Variants in RPTOR observed in about 807,000 individuals in gnomAD.
The protein encoded by RPTOR is regulatory associated protein of MTOR complex 1.
A neutral mutation model predicts 169.9 loss-of-function variants in RPTOR; 21 were observed. That is an observed-to-expected ratio of 0.12 (90% CI 0.09 to 0.18). The LOEUF (loss-of-function observed/expected upper bound fraction) is 0.18. Among genes scored for constraint, RPTOR ranks in the 10% least tolerant of loss-of-function variants. RPTOR has a pLI of 1.00. For missense variants in RPTOR, 1,133 were observed against 1,855.9 expected, an observed-to-expected ratio of 0.61 and a Z score of 7.16; for synonymous variants, 732 against 753.2, an observed-to-expected ratio of 0.97 and a Z score of 0.46.
chr17:80,574,512 G>A (rs1296987664), intron 1 of RPTOR, among the ~76,000 whole-genome samples: 1 of 151,616 alleles, frequency 6.6e-6, no homozygotes, highest in Non-Finnish European at 1.5e-5. Flanking sequence ...TACATTTTAA[G>A]AAGACTTTGT....
At chr17:80,561,242 TATATATATGTATATATATATGTATA>T (rs2084485386) in intron 1 of RPTOR, among the ~76,000 whole-genome samples, 1 of 5,424 alleles carries the variant, frequency 1.8e-4, no homozygotes, top group African/African-American at 2.1e-4. Context: ...GGCTAATTTA[TATATATATGTATATATATATGTATA>T]TATATATATA....
chr17:80,602,722 T>C lies in RPTOR; in HGVS notation c.163-22969T>C, dbSNP rs942295569. Reference sequence around the variant, plus strand: ...ATTCCTTTGGCCCAGACAGCTTTGTTGAGCCTGGTGTCAATGCACACATCT... The same window carrying C: ...ATTCCTTTGGCCCAGACAGCTTTGTCGAGCCTGGTGTCAATGCACACATCT... On this transcript the variant is annotated intron_variant, in intron 1 of 33. Transcript: ENST00000306801. The C allele has an allele frequency of 7.9e-6, 6 of 763,260 alleles. No individual in the cohort carries two copies. In the African/African-American group the frequency reaches 8.5e-5, roughly 11 times the overall value. The allele number at this position is 763,260 out of a possible 1,614,324, so 47.3% of individuals were successfully genotyped here.
Position 80,708,625 on chromosome 17 carries a change from C to CA in RPTOR, c.507+626_507+627insA, listed in dbSNP as rs199846545. 9.0e-6 allele frequency among the ~76,000 whole-genome samples: 1 copy of CA among 111,286 alleles called. No homozygotes were observed. Among genetic ancestry groups the CA allele is most frequent in the African/African-American group, 5.2e-5 (1 of 19,364 alleles). 73.0% of individuals were successfully genotyped at this position (111,286 alleles called of 152,430 possible). On this transcript the variant is annotated intron_variant, in intron 4 of 33. Transcript: ENST00000306801. The surrounding 1 kb of genome is among the most constrained non-coding windows in gnomAD (Gnocchi z 4.2). ...CCAGGGTGTGGTGGGTGCTGACTGT[C>CA]TCCTCATCCTCCAGGGTGTGGTGGG...
At chr17:80,927,267 ATGCGGTCTCG>A (rs1008687187) in intron 24 of RPTOR, among the ~76,000 whole-genome samples, 2 of 152,136 alleles carry the variant, frequency 1.3e-5, no homozygotes, top group Non-Finnish European at 2.9e-5. Flanking sequence ...GGTGTCCTTG[ATGCGGTCTCG>A]TGCTTAAGGC....
rs2067039531 is a variant in RPTOR, at chr17:80,790,799, C to T, written c.831-651C>T. ...TAGGTGAATTAAACATTTTGCATTT[C>T]TCCTACTAAAAATACTGCATTGCCT... On this transcript the variant is annotated intron_variant, in intron 6 of 33. Coordinates refer to ENST00000306801, the MANE Select transcript of RPTOR (RefSeq NM_020761.3). Among the ~76,000 whole-genome samples the T allele has an allele frequency of 3.3e-5, 5 of 152,200 alleles. No homozygotes were observed. In the South Asian group the frequency reaches 1.0e-3, roughly 31 times the overall value.
At chr17:80,662,370 T>C (rs2065731118) in intron 3 of RPTOR, among the ~76,000 whole-genome samples, 1 of 152,124 alleles carries the variant, frequency 6.6e-6, no homozygotes, top group African/African-American at 2.4e-5. Context: ...GCCTTGCAGG[T>C]GGAAGGACGG....
chr17:80,887,864 C>T (rs1421173979), intron 17 of RPTOR, among the ~76,000 whole-genome samples: 8 of 139,626 alleles, frequency 5.7e-5, no homozygotes, highest in South Asian at 2.4e-4. Flanking sequence ...TCAGCTTAGC[C>T]CCCAAATTAT....
rs2143744823 is a variant in RPTOR, at chr17:80,855,507, T to C, written c.1358T>C (p.Leu453Pro). Residue 453 changes from leucine to proline, a missense_variant, in exon 12 of 34, where the codon CTT becomes CCT. Physicochemically the swap from Leu to Pro is moderately conservative, Grantham distance 98 (BLOSUM62 -3). Around this residue, in one of 9 missense-constraint regions of RPTOR, gnomAD observed 289 missense variants for 585.8 expected, o/e 0.49. Transcript: ENST00000306801. The part of the protein sequence containing the change: ...QVHRLRALDL[L>P]GRFLDLGPWA... ...CACCGGCTGAGAGCATTGGACTTGC[T>C]TGGAAGATTTTTGGACCTGGGTCCC... 1 of 1,614,144 alleles carries C rather than the reference T, an allele frequency of 6.2e-7. No homozygotes were observed. Among genetic ancestry groups the C allele is most frequent in the Non-Finnish European group, 8.5e-7 (1 of 1,179,990 alleles).
chr17:80,726,451 C>A lies in RPTOR; in HGVS notation c.508-4109C>A, dbSNP rs2066335588. Among the ~76,000 whole-genome samples, 1 of 147,172 alleles carries A rather than the reference C, an allele frequency of 6.8e-6. No homozygotes were observed. Among genetic ancestry groups the A allele is most frequent in the Admixed American group, 6.8e-5 (1 of 14,716 alleles). ...GTACCTCATGGTTATGACGGATCAT[C>A]TTCCTGAACTTTGCATCTCAGAATT... On this transcript the variant is annotated intron_variant, in intron 4 of 33. Coordinates refer to ENST00000306801, the MANE Select transcript of RPTOR (RefSeq NM_020761.3). This position sits in a 1 kb window ranked among gnomAD's most constrained non-coding sequence, Gnocchi z 4.5.
At chr17:80,587,393 TAC>T (rs1404759093) in intron 1 of RPTOR, among the ~76,000 whole-genome samples, 8 of 152,256 alleles carry the variant, frequency 5.3e-5, no homozygotes, top group Non-Finnish European at 1.2e-4. Context: ...AGCCATTGAA[TAC>T]AGTGTCGAAC....
Position 80,947,444 on chromosome 17 carries a change from C to A in RPTOR, c.3265+93C>A. On this transcript the variant is annotated intron_variant, in intron 27 of 33. Coordinates refer to ENST00000306801, the MANE Select transcript of RPTOR (RefSeq NM_020761.3). This position sits in a 1 kb window ranked among gnomAD's most constrained non-coding sequence, Gnocchi z 4.4. ...TCCTGAGATGTGTTTGTACATCTGT[C>A]TTACAGAAAGCCCTGCTCACACGCG... 2 of 1,402,682 alleles carry A rather than the reference C, an allele frequency of 1.4e-6. No homozygotes were observed. Among genetic ancestry groups the A allele is most frequent in the East Asian group, 2.7e-5 (1 of 36,686 alleles). 86.9% of individuals were successfully genotyped at this position (1,402,682 alleles called of 1,614,324 possible). A position where few individuals can be genotyped will look rare whatever the true frequency, so the allele number is the denominator to read the frequency against.
chr17:80,945,784 A>G lies in RPTOR; in HGVS notation c.3140+3A>G. The G allele has an allele frequency of 5.0e-6, 8 of 1,596,502 alleles. No individual in the cohort carries two copies. The highest frequency in any genetic ancestry group is 6.8e-6 in the Non-Finnish European group (8 of 1,168,132). On this transcript the variant is annotated splice_donor_region_variant and intron_variant, in intron 26 of 33. Transcript: ENST00000306801. ...GTAGCCGACAAGGACAGCATCTGGT[A>G]TGCACCGCGCTGGTCAGGCCTCCCT...
At chr17:80,696,609 G>A (rs970293612) in intron 3 of RPTOR, among the ~76,000 whole-genome samples, 5 of 152,224 alleles carry the variant, frequency 3.3e-5, no homozygotes, top group East Asian at 1.9e-4. Flanking sequence ...GGGCAAGGCC[G>A]GCTGGTGCGT....
intron 3 of RPTOR, among the ~76,000 whole-genome samples, chr17:80,676,294 A>G (rs55773829): frequency 0.053 from 8,055 of 152,338 alleles, 270 homozygotes; most frequent in Non-Finnish European, 0.078. Context: ...GATTAAATGT[A>G]AAAGTTTCTG....
chr17:80,946,715 C>A (rs2069108271), intron 26 of RPTOR, among the ~76,000 whole-genome samples: 1 of 152,234 alleles, frequency 6.6e-6, no homozygotes, highest in African/African-American at 2.4e-5. Context: ...TCTTATCATT[C>A]ATCTGTTCAT....
At chr17:80,945,285 A>G (rs543542748) in intron 25 of RPTOR, among the ~76,000 whole-genome samples, 1 of 152,064 alleles carries the variant, frequency 6.6e-6, no homozygotes, top group African/African-American at 2.4e-5. Flanking sequence ...ACAGAACAGG[A>G]CACTGTCTTT....
intron 1 of RPTOR, among the ~76,000 whole-genome samples, chr17:80,606,309 CTTTT>C (rs56331722): frequency 3.2e-5 from 4 of 123,862 alleles, no homozygotes; most frequent in Admixed American, 8.3e-5. Context: ...GGTGCCTGGC[CTTTT>C]TTTTTTTTTT....
intron 3 of RPTOR, among the ~76,000 whole-genome samples, chr17:80,684,822 A>G (rs2065924578): frequency 1.3e-5 from 2 of 152,160 alleles, no homozygotes; most frequent in Admixed American, 1.3e-4. Flanking sequence ...GCTTTTTGCC[A>G]CTACACAGCG....
At chr17:80,886,220 TGG>T (rs987059399) in intron 17 of RPTOR, among the ~76,000 whole-genome samples, 1 of 152,244 alleles carries the variant, frequency 6.6e-6, no homozygotes, top group Admixed American at 6.5e-5. Context: ...CTGCTTTACT[TGG>T]GAGGGACGTG....
Sources: allele counts gnomAD v4.1 joint callset (sites outside exome capture counted in the v4.1 genomes callset), GRCh38; gene constraint gnomAD v4.1.1; regional missense constraint gnomAD v4.1.1; non-coding constraint Gnocchi (gnomAD v3.1); transcripts MANE v1.5; gene names NCBI Gene and HGNC (gene_info 2026-07-23, HGNC 2026-07-21).